The following NRG2 variants were observed in gnomAD, a reference collection of about 807,000 sequenced individuals.
NRG2 encodes pro-neuregulin-2, membrane-bound isoform.
A neutral mutation model predicts 73.9 loss-of-function variants in NRG2; 27 were observed. The ratio of observed to expected loss-of-function variants is 0.37; its 90% CI spans 0.27 to 0.50. NRG2 has a LOEUF of 0.50. Among genes scored for constraint, NRG2 ranks in the 20% least tolerant of loss-of-function variants. The pLI, the probability that NRG2 is intolerant of heterozygous loss-of-function variation, is 0.96. For missense variants in NRG2, 1,126 were observed against 1,210.1 expected (o/e 0.93, Z 1.03); for synonymous variants, 532 against 541.0 (o/e 0.98, Z 0.23).
intron 1 of NRG2, among the ~76,000 whole-genome samples, chr5:139,988,691 A>G (rs1658835610): frequency 6.6e-6 from 1 of 152,046 alleles, no homozygotes; most frequent in Admixed American, 6.5e-5. Flanking sequence ...TGAAAATACT[A>G]TATGATACTA....
chr5:139,927,540 G>T (rs775242436), intron 1 of NRG2, among the ~76,000 whole-genome samples: 2 of 152,058 alleles, frequency 1.3e-5, no homozygotes, highest in Admixed American at 1.3e-4. Flanking sequence ...GAGGTGGGCG[G>T]ATCACCTGAG....
At chr5:139,968,320 G>C (rs1755705335) in intron 1 of NRG2, among the ~76,000 whole-genome samples, 1 of 152,224 alleles carries the variant, frequency 6.6e-6, no homozygotes, top group Non-Finnish European at 1.5e-5. Flanking sequence ...GGTGGGCCCG[G>C]AGCTGAGAGG....
intron 3 of NRG2, among the ~76,000 whole-genome samples, chr5:139,874,433 G>C (rs1763050026): frequency 6.6e-6 from 1 of 152,096 alleles, no homozygotes; most frequent in South Asian, 2.1e-4. Context: ...AGTCCTAGAG[G>C]GCATCTTTGA....
intron 1 of NRG2, among the ~76,000 whole-genome samples, chr5:140,034,331 CT>C (rs34065380): frequency 0.077 from 11,172 of 144,836 alleles, 527 homozygotes; most frequent in South Asian, 0.17. Flanking sequence ...TTTGGGTCGA[CT>C]TTTTTTTTTT....
At chr5:139,911,117 G>A (rs538418661) in intron 1 of NRG2, among the ~76,000 whole-genome samples, 98 of 152,196 alleles carry the variant, frequency 6.4e-4, no homozygotes, top group Non-Finnish European at 1.0e-3. Flanking sequence ...AGGACGGGGA[G>A]AGGAAGTGAG....
At chr5:139,957,826 G>A (rs1754752009) in intron 1 of NRG2, among the ~76,000 whole-genome samples, 1 of 152,224 alleles carries the variant, frequency 6.6e-6, no homozygotes, top group African/African-American at 2.4e-5. Flanking sequence ...AGAGTGGGTA[G>A]ATGGTGGAAG....
At position 139,856,155 on chromosome 5, in the gene NRG2, C is replaced by T. The variant is rs1352090989; in HGVS notation, c.1190-377G>A. 8.2e-6 allele frequency: 2 copies of T among 244,668 alleles called. No individual in the cohort carries two copies. Among genetic ancestry groups the T allele is most frequent in the African/African-American group, 4.3e-5 (2 of 46,370 alleles). The allele number at this position is 244,668 out of a possible 1,614,324, so 15.2% of individuals were successfully genotyped here. A position where few individuals can be genotyped will look rare whatever the true frequency, so the allele number is the denominator to read the frequency against. On this transcript the variant is annotated intron_variant, in intron 5 of 9. Transcript: ENST00000361474. This position sits in a 1 kb window ranked among gnomAD's most constrained non-coding sequence, Gnocchi z 4.2. ...CAGTCTGGCCGGTGACCCTGCCCTG[C>T]TCCACAGTGGCCTGGTAGCTGCAAA...
At chr5:139,850,982 GTTCTTT>G (rs1177675040) in intron 9 of NRG2, among the ~76,000 whole-genome samples, 1 of 150,852 alleles carries the variant, frequency 6.6e-6, no homozygotes, top group African/African-American at 2.4e-5. Context: ...GCCCCTGTTT[GTTCTTT>G]TTTTTTTTTT....
At chr5:139,996,456 C>T (rs1406769808) in intron 1 of NRG2, among the ~76,000 whole-genome samples, 1 of 152,156 alleles carries the variant, frequency 6.6e-6, no homozygotes, top group Non-Finnish European at 1.5e-5. Context: ...AACAAAATAA[C>T]CTTGTCCCCA....
intron 1 of NRG2, among the ~76,000 whole-genome samples, chr5:139,992,238 T>C (rs1040870724): frequency 6.6e-6 from 1 of 152,240 alleles, no homozygotes; most frequent in Non-Finnish European, 1.5e-5. Context: ...TTTTATTTTC[T>C]CTGGTACTAT....
At position 139,954,299 on chromosome 5, in the gene NRG2, G is replaced by A. The variant is rs1250229776; in HGVS notation, c.701-66788C>T. Among the ~76,000 whole-genome samples, 1 of 152,172 alleles carries A rather than the reference G, an allele frequency of 6.6e-6. No homozygotes were observed. Among genetic ancestry groups the A allele is most frequent in the African/African-American group, 2.4e-5 (1 of 41,424 alleles). On this transcript the variant is annotated intron_variant, in intron 1 of 9. Transcript: ENST00000361474. This position sits in a 1 kb window ranked among gnomAD's most constrained non-coding sequence, Gnocchi z 5.0. ...AGCAGCCTGGGGCCCCAGGAGACCT[G>A]CAGCGGCTGTCTAGCCCCAGGTCCC...
chr5:139,851,736 C>G lies in NRG2; in HGVS notation c.1640G>C (p.Cys547Ser). 2 of 1,614,242 alleles carry G rather than the reference C, an allele frequency of 1.2e-6. No homozygotes were observed. Among genetic ancestry groups the G allele is most frequent in the Admixed American group, 3.3e-5 (2 of 60,032 alleles). The change falls in exon 9 of 10, where the codon TGC (cysteine) becomes TCC (serine). Residue 547 changes from cysteine (C) to serine (S), a missense_variant. Physicochemically the swap from Cys to Ser is moderately radical, Grantham distance 112. Transcript: ENST00000361474. The surrounding 1 kb of genome is among the most constrained non-coding windows in gnomAD (Gnocchi z 4.2). ...IMLSSVGTSK[C>S]NSPACVEARA... is the part of the protein sequence containing the mutation. ...GGCCTCCACACATGCTGGGCTGTTG[C>G]ATTTGCTGGTACCCACTGATGATAG...
rs1055798248 is a variant in NRG2 at position 139,894,607 on chromosome 5, G to T, written c.701-7096C>A. Among the ~76,000 whole-genome samples the T allele has an allele frequency of 9.8e-5, 15 of 152,286 alleles. No homozygotes were observed. Among genetic ancestry groups the T allele is most frequent in the African/African-American group, 2.9e-4 (12 of 41,554 alleles). On this transcript the variant is annotated intron_variant, in intron 1 of 9. Transcript: ENST00000361474. This position sits in a 1 kb window ranked among gnomAD's most constrained non-coding sequence, Gnocchi z 5.0. ...AAGGGAGTGTATGCCCAGCTGGGCT[G>T]CTTAGCTTTCCCTGAGCCACATTTC... is the stretch of plus-strand genomic sequence containing the variant.
At position 139,865,734 on chromosome 5, in the gene NRG2, TTGGGGTCATACTTGTAGC is replaced by T. The variant is rs1301438782; in HGVS notation, c.1113-127_1113-110del. ...GAATGAGAAAAACCAAGTCAGGCAC[TTGGGGTCATACTTGTAGC>T]TGAAGGGACTGGAGTCAGGGCTGGG... On this transcript the variant is annotated intron_variant, in intron 4 of 9. Coordinates refer to ENST00000361474, the MANE Select transcript of NRG2 (RefSeq NM_004883.3). The surrounding 1 kb of genome is among the most constrained non-coding windows in gnomAD (Gnocchi z 5.2). The T allele has an allele frequency of 1.2e-6, 1 of 830,354 alleles. No homozygotes were observed. Among genetic ancestry groups the T allele is most frequent in the Non-Finnish European group, 1.9e-6 (1 of 525,460 alleles). The allele number at this position is 830,354 out of a possible 1,614,324, so 51.4% of individuals were successfully genotyped here.
intron 1 of NRG2, among the ~76,000 whole-genome samples, chr5:139,899,200 C>T (rs1764728685): frequency 6.6e-6 from 1 of 152,222 alleles, no homozygotes; most frequent in South Asian, 2.1e-4. Context: ...CAGGGCTCTG[C>T]TCCAGGAGGC....
intron 1 of NRG2, among the ~76,000 whole-genome samples, chr5:140,032,660 C>T (rs1490487826): frequency 1.3e-5 from 2 of 152,154 alleles, no homozygotes; most frequent in Non-Finnish European, 2.9e-5. Flanking sequence ...AAAGATCTTA[C>T]CACCAGGTAA....
At chr5:139,873,899 TC>T (rs887735029) in intron 3 of NRG2, among the ~76,000 whole-genome samples, 2 of 152,202 alleles carry the variant, frequency 1.3e-5, no homozygotes, top group African/African-American at 4.8e-5. Flanking sequence ...AGATGGGGCC[TC>T]CCCAGCCGAA....
intron 1 of NRG2, among the ~76,000 whole-genome samples, chr5:140,036,429 C>T (rs964206244): frequency 4.6e-5 from 7 of 152,188 alleles, no homozygotes; most frequent in African/African-American, 1.7e-4. Context: ...TCAGTTCTTA[C>T]AACCTGACAT....
intron 1 of NRG2, among the ~76,000 whole-genome samples, chr5:140,032,102 A>T (rs548362998): frequency 6.6e-6 from 1 of 152,192 alleles, no homozygotes; most frequent in Non-Finnish European, 1.5e-5. Context: ...CTAATTCGTG[A>T]TCTCAGCTTA....
Sources: gnomAD v4.1 joint callset for allele counts (sites outside exome capture counted in the v4.1 genomes callset) on GRCh38, gnomAD v4.1.1 for gene constraint, Gnocchi (gnomAD v3.1) non-coding constraint, MANE v1.5 for transcripts, NCBI Gene and HGNC (gene_info 2026-07-23, HGNC 2026-07-21) for gene names.